TTLL9: variants seen among roughly 807,000 people sequenced by gnomAD.
TTLL9 encodes the protein probable tubulin polyglutamylase TTLL9.
Under a neutral mutation model 65.6 loss-of-function variants are expected in TTLL9, and 47 were observed. The observed-to-expected ratio is 0.72, with a 90% CI of 0.57 to 0.91. The LOEUF (loss-of-function observed/expected upper bound fraction) is 0.91. Ranked by LOEUF, TTLL9 falls within the 40% of genes least tolerant of loss-of-function variation. The probability of loss-of-function intolerance (pLI) is 0.00; values close to 1 mark genes in which losing one functional copy is unlikely to be tolerated. For synonymous variants in TTLL9, 179 were observed against 204.8 expected (o/e 0.87, Z 1.07); for missense variants, 537 against 568.8 (o/e 0.94, Z 0.57).
At position 31,870,725 on chromosome 20, in the gene TTLL9, C is replaced by G; in HGVS notation, c.-230C>G. On this transcript the variant is annotated 5_prime_UTR_variant, in exon 1 of 15. Transcript: ENST00000535842. This position sits in a 1 kb window ranked among gnomAD's most constrained non-coding sequence, Gnocchi z 6.6. Reference sequence around the variant, plus strand: ...CGGAGGTGGGGGCGGGGGCCTTACCCCACCCTGGCACCGGCAGGCGCGGGC... The same window carrying G: ...CGGAGGTGGGGGCGGGGGCCTTACCGCACCCTGGCACCGGCAGGCGCGGGC... The G allele has an allele frequency of 1.6e-6, 1 of 624,086 alleles. No individual in the cohort carries two copies. Among genetic ancestry groups the G allele is most frequent in the African/African-American group, 1.9e-5 (1 of 51,980 alleles). 38.7% of individuals were successfully genotyped at this position (624,086 alleles called of 1,614,324 possible).
intron 14 of TTLL9, chr20:31,941,243 AAG>A (rs2064203340): frequency 1.3e-5 from 2 of 151,254 alleles, no homozygotes; most frequent in Non-Finnish European, 2.9e-5. Flanking sequence ...AAAAAAAAAA[AAG>A]AAAATAGACC....
intron 10 of TTLL9, among the ~76,000 whole-genome samples, chr20:31,932,141 C>T (rs183428693): frequency 6.6e-6 from 1 of 152,088 alleles, no homozygotes; most frequent in Non-Finnish European, 1.5e-5. Flanking sequence ...AAGTTTGAGA[C>T]CAGCCTGGGC....
chr20:31,925,677 A>G (rs1190316637), intron 9 of TTLL9, among the ~76,000 whole-genome samples: 1 of 152,066 alleles, frequency 6.6e-6, no homozygotes, highest in Admixed American at 6.6e-5. Context: ...TTCCTTCTGT[A>G]TCCCCCTCCA....
chr20:31,933,968 C>T lies in TTLL9; in HGVS notation c.807+110C>T. The stretch of plus-strand genomic sequence containing the variant: ...GGACAGGCCTGTCTGAGCCTGTGTT[C>T]ACCAGTGAGGCAGGCCTACCCATCC... On this transcript the variant is annotated intron_variant, in intron 11 of 14. Coordinates refer to ENST00000535842, the MANE Select transcript of TTLL9 (RefSeq NM_001008409.5). 10 of 1,190,004 alleles carry T rather than the reference C, an allele frequency of 8.4e-6. No individual in the cohort carries two copies. In the South Asian group the frequency reaches 1.4e-4, roughly 17 times the overall value. 73.7% of individuals were successfully genotyped at this position (1,190,004 alleles called of 1,614,324 possible). A position where few individuals can be genotyped will look rare whatever the true frequency, so the allele number is the denominator to read the frequency against.
chr20:31,907,809 A>T (rs2063581068), intron 4 of TTLL9, among the ~76,000 whole-genome samples: 1 of 152,026 alleles, frequency 6.6e-6, no homozygotes, highest in Non-Finnish European at 1.5e-5. Context: ...ACAGAAGGAG[A>T]TACAATCAGG....
At chr20:31,926,712 T>G (rs2063911796) in intron 10 of TTLL9, among the ~76,000 whole-genome samples, 1 of 152,210 alleles carries the variant, frequency 6.6e-6, no homozygotes, top group South Asian at 2.1e-4. Flanking sequence ...GGAAAGTGCT[T>G]TATGTACTGA....
intron 2 of TTLL9, chr20:31,873,114 A>G (rs930469004): frequency 4.4e-6 from 2 of 459,724 alleles, no homozygotes; most frequent in African/African-American, 4.0e-5. Context: ...CTCAGCATAT[A>G]TGAATATTTT....
chr20:31,887,069 C>T (rs1277541090), intron 2 of TTLL9, 127 bp from the exon 3 acceptor site: 39 of 905,174 alleles, frequency 4.3e-5, no homozygotes, highest in African/African-American at 8.3e-5. Flanking sequence ...GCTGGACCTT[C>T]GTGTCTCAGA....
chr20:31,912,938 G>A (rs1365307998), intron 6 of TTLL9, among the ~76,000 whole-genome samples: 2 of 151,976 alleles, frequency 1.3e-5, no homozygotes, highest in African/African-American at 2.4e-5. Context: ...TGGGAGGATC[G>A]CTTGATCCCA....
chr20:31,876,775 C>T (rs903983765), intron 2 of TTLL9, among the ~76,000 whole-genome samples: 2 of 152,140 alleles, frequency 1.3e-5, no homozygotes, highest in Non-Finnish European at 2.9e-5. Flanking sequence ...TAAAGGCTCC[C>T]GTTTCCCCAC....
chr20:31,879,240 G>C (rs1023859867), intron 2 of TTLL9, among the ~76,000 whole-genome samples: 3 of 152,220 alleles, frequency 2.0e-5, no homozygotes, highest in Non-Finnish European at 4.4e-5. Flanking sequence ...AGGATCACTT[G>C]AGCCCAGGAG....
chr20:31,919,979 T>G (rs775707362), intron 7 of TTLL9, 47 bp downstream of exon 7: 1 of 1,473,634 alleles, frequency 6.8e-7, no homozygotes, highest in East Asian at 2.6e-5. Flanking sequence ...CCTCTGACCT[T>G]GCCAGCAGGA....
At position 31,943,217 on chromosome 20, in the gene TTLL9, T is replaced by A. The variant is rs1351271224; in HGVS notation, c.*196T>A. ...CCTCCAGCCCATCCCCAGGCATCTT[T>A]GCACCAGGAGACAGCCAATCACTGG... On this transcript the variant is annotated 3_prime_UTR_variant, in exon 15 of 15. Transcript: ENST00000535842. 3.3e-6 allele frequency: 2 copies of A among 611,088 alleles called. No homozygotes were observed. Among genetic ancestry groups the A allele is most frequent in the Non-Finnish European group, 5.9e-6 (2 of 341,462 alleles). The allele number at this position is 611,088 out of a possible 1,614,324, so 37.9% of individuals were successfully genotyped here.
intron 14 of TTLL9, chr20:31,940,893 G>C (rs2064193520): frequency 6.6e-6 from 1 of 152,160 alleles, no homozygotes; most frequent in African/African-American, 2.4e-5. Context: ...CAAAGCATTT[G>C]CTGGTGTAGC....
chr20:31,887,578 A>G (rs11906593), intron 3 of TTLL9, among the ~76,000 whole-genome samples: 13,086 of 152,222 alleles, frequency 0.086, 754 homozygotes, highest in African/African-American at 0.15. Flanking sequence ...TCCAGGGCCC[A>G]CTGTCTAACT....
chr20:31,926,436 T>C (rs1230079992), intron 10 of TTLL9, among the ~76,000 whole-genome samples: 1 of 152,206 alleles, frequency 6.6e-6, no homozygotes, highest in Non-Finnish European at 1.5e-5. Context: ...CATACGTTGC[T>C]GGCGGGATTG....
chr20:31,921,235 G>A (rs1037939842), intron 7 of TTLL9, among the ~76,000 whole-genome samples: 1 of 152,156 alleles, frequency 6.6e-6, no homozygotes, highest in Admixed American at 6.5e-5. Context: ...CTCATCATCA[G>A]TGGCCATCAG....
intron 2 of TTLL9, among the ~76,000 whole-genome samples, chr20:31,883,588 A>G (rs1350020817): frequency 6.6e-6 from 1 of 152,222 alleles, no homozygotes; most frequent in African/African-American, 2.4e-5. Flanking sequence ...GGGCCCAGGC[A>G]GATGTAAATG....
intron 11 of TTLL9, among the ~76,000 whole-genome samples, chr20:31,934,069 C>T (rs1262860321): frequency 6.6e-6 from 1 of 152,230 alleles, no homozygotes. Context: ...AGTTGCAAAT[C>T]ACACTAACAC....
Sources: allele counts gnomAD v4.1 joint callset (sites outside exome capture counted in the v4.1 genomes callset), GRCh38; gene constraint gnomAD v4.1.1; non-coding constraint Gnocchi (gnomAD v3.1); transcripts MANE v1.5; gene names NCBI Gene and HGNC (gene_info 2026-07-23, HGNC 2026-07-21).